Variants in BLM observed in about 807,000 individuals in gnomAD.
BLM encodes the protein BLM RecQ like helicase, also known as recQ-like DNA helicase BLM.
In BLM, 95 loss-of-function variants were observed where a neutral mutation model predicts 135.3. The ratio of observed to expected loss-of-function variants is 0.70; its 90% confidence interval spans 0.59 to 0.83. BLM has a LOEUF of 0.83. Ranked by LOEUF, BLM falls within the 40% of genes least tolerant of loss-of-function variation. The pLI is 0.00. For synonymous variants in BLM, 520 were observed against 589.2 expected, an observed-to-expected ratio of 0.88 and a Z score of 1.70; for missense variants, 1,518 against 1,663.9, an observed-to-expected ratio of 0.91 and a Z score of 1.53.
chr15:90,751,053 G>A (rs1009617362), intron 3 of BLM, among the ~76,000 whole-genome samples: 1 of 152,132 alleles, frequency 6.6e-6, no homozygotes, highest in African/African-American at 2.4e-5. Flanking sequence ...TGCTCTAATT[G>A]CACTATTAAA....
chr15:90,728,127 C>T (rs1027017969), intron 1 of BLM, among the ~76,000 whole-genome samples: 2 of 152,094 alleles, frequency 1.3e-5, no homozygotes, highest in African/African-American at 2.4e-5. Context: ...GCCTCAACCT[C>T]CTGGGCTCAG....
At position 90,815,218 on chromosome 15, in the gene BLM, T is replaced by C. The variant is rs2151202391; in HGVS notation, c.4193T>C (p.Ile1398Thr). 2 of 1,614,196 alleles carry C rather than the reference T, an allele frequency of 1.2e-6. No individual in the cohort carries two copies. The highest frequency in any genetic ancestry group is 3.3e-5 in the Admixed American group (2 of 60,022). ...TCAGGAGCCAATAGCAAATTGGGGA[T>C]TATGGCTCCACCGAAGCCTATAAAT... ...ATSGANSKLG[I>T]MAPPKPINRP... is the part of the protein sequence containing the mutation. Residue 1398 changes from isoleucine (I) to threonine (T), a missense_variant, in exon 22 of 22, where the codon ATT becomes ACT. Coordinates refer to ENST00000355112, the MANE Select transcript of BLM (RefSeq NM_000057.4). This position sits in a 1 kb window ranked among gnomAD's most constrained non-coding sequence, Gnocchi z 4.6.
chr15:90,761,084 A>T lies in BLM; in HGVS notation c.1711A>T (p.Met571Leu). 2 of 1,563,364 alleles carry T rather than the reference A, an allele frequency of 1.3e-6. No individual in the cohort carries two copies. The highest frequency in any genetic ancestry group is 1.7e-6 in the Non-Finnish European group (2 of 1,158,814). ...FDDDDDWEDI[M>L]HNLAASKSST... ...TGATGATGATGACTGGGAAGACATAATGCATAATTTAGCAGCCAGCAAATC... is the reference window on the plus strand; with the variant it reads ...TGATGATGATGACTGGGAAGACATATTGCATAATTTAGCAGCCAGCAAATC... The change falls in exon 7 of 22, where the codon ATG becomes TTG. Residue 571 changes from methionine to leucine, a missense_variant. By Grantham distance (15) the Met-to-Leu change is conservative. Around this residue, in one of 5 missense-constraint regions of BLM, gnomAD observed 724 missense variants for 756.9 expected, o/e 0.96. Coordinates refer to ENST00000355112, the MANE Select transcript of BLM (RefSeq NM_000057.4).
At chr15:90,726,795 G>A (rs574393527) in intron 1 of BLM, among the ~76,000 whole-genome samples, 8 of 152,126 alleles carry the variant, frequency 5.3e-5, no homozygotes, top group Non-Finnish European at 7.3e-5. Flanking sequence ...GTATTCTGTT[G>A]TATAAATGTA....
At position 90,811,410 on chromosome 15, in the gene BLM, T is replaced by C. The variant is rs183176301; in HGVS notation, c.4076+4T>C. On this transcript the variant is annotated splice_donor_region_variant and intron_variant, in intron 21 of 21. Coordinates refer to ENST00000355112, the MANE Select transcript of BLM (RefSeq NM_000057.4). ...CCAGTGGTTCCAAGGCAAAGGGGTATGTTTTGTGACATCTTTTTCAATATA... is the reference window on the plus strand; with the variant it reads ...CCAGTGGTTCCAAGGCAAAGGGGTACGTTTTGTGACATCTTTTTCAATATA... The C allele has an allele frequency of 9.3e-6, 15 of 1,613,396 alleles. No individual in the cohort carries two copies. The highest frequency in any genetic ancestry group is 1.2e-5 in the Non-Finnish European group (14 of 1,179,364).
At chr15:90,726,160 C>T (rs1247284740) in intron 1 of BLM, among the ~76,000 whole-genome samples, 2 of 152,166 alleles carry the variant, frequency 1.3e-5, no homozygotes, top group African/African-American at 2.4e-5. Context: ...TCAATATCCT[C>T]CTTCTAGCTA....
At chr15:90,797,843 C>T (rs1228193042) in intron 16 of BLM, among the ~76,000 whole-genome samples, 1 of 152,156 alleles carries the variant, frequency 6.6e-6, no homozygotes, top group East Asian at 1.9e-4. Flanking sequence ...TTACGTGGCA[C>T]CCCACAGGTT....
At chr15:90,739,953 T>C (rs1182226620) in intron 1 of BLM, among the ~76,000 whole-genome samples, 1 of 152,056 alleles carries the variant, frequency 6.6e-6, no homozygotes, top group African/African-American at 2.4e-5. Flanking sequence ...TTTGTAGAGA[T>C]GGGGTTTCAC....
At chr15:90,761,665 C>T (rs1895991506) in intron 7 of BLM, among the ~76,000 whole-genome samples, 1 of 152,072 alleles carries the variant, frequency 6.6e-6, no homozygotes, top group Non-Finnish European at 1.5e-5. Context: ...AGTAGAGAAG[C>T]ATGTTTTATG....
chr15:90,763,893 C>T (rs1896052424), intron 8 of BLM, among the ~76,000 whole-genome samples: 1 of 152,158 alleles, frequency 6.6e-6, no homozygotes, highest in Admixed American at 6.5e-5. Context: ...TGTAGTCCTC[C>T]CTCTGTCTAT....
At chr15:90,724,544 A>G (rs1171789305) in intron 1 of BLM, among the ~76,000 whole-genome samples, 1 of 152,154 alleles carries the variant, frequency 6.6e-6, no homozygotes, top group Non-Finnish European at 1.5e-5. Context: ...CCAAATGTTA[A>G]GTCCTCCCTG....
chr15:90,761,587 G>A (rs1001005559), intron 7 of BLM, among the ~76,000 whole-genome samples: 2 of 152,160 alleles, frequency 1.3e-5, no homozygotes, highest in Admixed American at 1.3e-4. Context: ...ATGGGCAAAA[G>A]CAAAAATGGA....
chr15:90,782,999 A>C lies in BLM; in HGVS notation c.2662+71A>C, dbSNP rs1290665882. ...TTTTAGTACCACAATAAGATATATA[A>C]AATTGCATATTAAACATTCCTTTTT... On this transcript the variant is annotated intron_variant, in intron 13 of 21. Coordinates refer to ENST00000355112, the MANE Select transcript of BLM (RefSeq NM_000057.4). 2.5e-6 allele frequency: 3 copies of C among 1,215,952 alleles called. No individual in the cohort carries two copies. The African/African-American group carries it at 4.5e-5, about 18-fold the overall frequency. The allele number at this position is 1,215,952 out of a possible 1,614,324, so 75.3% of individuals were successfully genotyped here.
Position 90,815,059 on chromosome 15 carries a change from G to C in BLM, c.4077-43G>C. On this transcript the variant is annotated intron_variant, in intron 21 of 21. Transcript: ENST00000355112. This position sits in a 1 kb window ranked among gnomAD's most constrained non-coding sequence, Gnocchi z 4.6. The stretch of plus-strand genomic sequence containing the variant: ...GTTGAGAGGAAGGTCATTCATTTTT[G>C]GTTTCATTTAACATTTTGATTTTTT... The C allele has an allele frequency of 6.3e-7, 1 of 1,590,700 alleles. No individual in the cohort carries two copies. The highest frequency in any genetic ancestry group is 8.6e-7 in the Non-Finnish European group (1 of 1,162,470).
intron 5 of BLM, among the ~76,000 whole-genome samples, chr15:90,757,789 G>A (rs892475670): frequency 2.6e-5 from 4 of 152,068 alleles, no homozygotes; most frequent in African/African-American, 9.7e-5. Context: ...TGTTTCCCCT[G>A]CAGCCCACCT....
intron 3 of BLM, among the ~76,000 whole-genome samples, chr15:90,751,058 A>G (rs1011794864): frequency 3.7e-4 from 56 of 152,230 alleles, no homozygotes; most frequent in African/African-American, 1.3e-3. Context: ...TAATTGCACT[A>G]TTAAAGTATT....
At chr15:90,778,116 A>T (rs1596246944) in intron 12 of BLM, among the ~76,000 whole-genome samples, 1 of 152,336 alleles carries the variant, frequency 6.6e-6, no homozygotes, top group East Asian at 1.9e-4. Context: ...TAACTTTTTC[A>T]TTATAACAAA....
intron 19 of BLM, among the ~76,000 whole-genome samples, chr15:90,806,802 G>A (rs549953681): frequency 6.6e-6 from 1 of 152,068 alleles, no homozygotes; most frequent in Admixed American, 6.6e-5. Context: ...CCTCTCCTAC[G>A]ATAATCGGTC....
chr15:90,720,975 T>G (rs1335605363), intron 1 of BLM, among the ~76,000 whole-genome samples: 2 of 152,180 alleles, frequency 1.3e-5, no homozygotes, highest in Admixed American at 6.5e-5. Flanking sequence ...TGGGGATTGC[T>G]TGAGCCTGGG....
Sources: allele counts gnomAD v4.1 joint callset (sites outside exome capture counted in the v4.1 genomes callset), GRCh38; gene constraint gnomAD v4.1.1; regional missense constraint gnomAD v4.1.1; non-coding constraint Gnocchi (gnomAD v3.1); transcripts MANE v1.5; gene names NCBI Gene and HGNC (gene_info 2026-07-23, HGNC 2026-07-21).